The following DPYD variants were observed in gnomAD, a reference collection of about 807,000 sequenced individuals.
DPYD encodes the protein dihydropyrimidine dehydrogenase.
In DPYD, 109 loss-of-function variants were observed where a neutral mutation model predicts 116.2. That is an observed-to-expected ratio of 0.94 (90% CI 0.80 to 1.10). The LOEUF is 1.10. DPYD is among the 50% of genes least tolerant of loss of function. DPYD has a pLI of 0.00. For synonymous variants in DPYD, 440 were observed against 432.0 expected, an observed-to-expected ratio of 1.02 and a Z score of -0.23; for missense variants, 1,302 against 1,254.5, an observed-to-expected ratio of 1.04 and a Z score of -0.57.
intron 18 of DPYD, among the ~76,000 whole-genome samples, chr1:97,292,788 C>G (rs1666296626): frequency 6.6e-6 from 1 of 151,676 alleles, no homozygotes; most frequent in South Asian, 2.1e-4. Flanking sequence ...CTAGTATAAG[C>G]TTGCTATTAA....
At chr1:97,193,693 C>T (rs932212062) in intron 19 of DPYD, among the ~76,000 whole-genome samples, 1 of 152,142 alleles carries the variant, frequency 6.6e-6, no homozygotes, top group Non-Finnish European at 1.5e-5. Context: ...ATTACGTTAA[C>T]TCAACCATCA....
intron 12 of DPYD, among the ~76,000 whole-genome samples, chr1:97,525,731 G>A (rs1024061163): frequency 6.9e-6 from 1 of 145,048 alleles, no homozygotes; most frequent in Admixed American, 7.2e-5. Context: ...CATCTAGTGG[G>A]AAGAGTAAGT....
chr1:97,662,158 A>G (rs1356703237), intron 8 of DPYD, among the ~76,000 whole-genome samples: 1 of 150,740 alleles, frequency 6.6e-6, no homozygotes, highest in Non-Finnish European at 1.5e-5. Flanking sequence ...CAGCCACCAC[A>G]TCCGGCTAAT....
intron 2 of DPYD, among the ~76,000 whole-genome samples, chr1:97,851,511 ATATAGT>A (rs1224110260): frequency 1.3e-5 from 2 of 151,950 alleles, no homozygotes; most frequent in Non-Finnish European, 2.9e-5. Context: ...ATTCAAGAAA[ATATAGT>A]TATAATTTAA....
At chr1:97,823,248 C>T (rs973941571) in intron 3 of DPYD, among the ~76,000 whole-genome samples, 14 of 152,030 alleles carry the variant, frequency 9.2e-5, no homozygotes, top group African/African-American at 3.4e-4. Flanking sequence ...TCCACCTCCC[C>T]GGTTCATGCC....
In DPYD at chr1:97,405,364, A is replaced by G. The variant is rs540685449; in HGVS notation, c.1906-22903T>C. 1.1e-3 allele frequency among the ~76,000 whole-genome samples: 172 copies of G among 152,154 alleles called. 2 individuals are homozygous for G. The highest frequency in any genetic ancestry group is 2.1e-3 in the South Asian group (10 of 4,824). On this transcript the variant is annotated intron_variant, in intron 14 of 22. Coordinates refer to ENST00000370192, the MANE Select transcript of DPYD (RefSeq NM_000110.4). ...AAAAACTTCCATTAACATTTCTTGC[A>G]AGGAGGTTTATTCTGAATACATTCT... is the stretch of plus-strand genomic sequence containing the variant.
At chr1:97,448,859 A>G (rs988819420) in intron 14 of DPYD, among the ~76,000 whole-genome samples, 1 of 151,942 alleles carries the variant, frequency 6.6e-6, no homozygotes, top group Non-Finnish European at 1.5e-5. Flanking sequence ...GATAAATTAT[A>G]TTTGTCCTAT....
chr1:97,786,677 C>T (rs755991301), intron 3 of DPYD, among the ~76,000 whole-genome samples: 2 of 152,182 alleles, frequency 1.3e-5, no homozygotes, highest in African/African-American at 4.8e-5. Flanking sequence ...AAGAGCAGCA[C>T]TATTTTTAGG....
intron 8 of DPYD, among the ~76,000 whole-genome samples, chr1:97,646,239 T>C (rs1476782207): frequency 6.6e-6 from 1 of 152,108 alleles, no homozygotes; most frequent in African/African-American, 2.4e-5. Flanking sequence ...CAATTATGCA[T>C]ATGTTGAATC....
In DPYD at chr1:97,857,148, C is replaced by A. The variant is rs1472128201; in HGVS notation, c.150+26116G>T. On this transcript the variant is annotated intron_variant, in intron 2 of 22. Transcript: ENST00000370192. ...AGCACTGGATTTTGTCTTCAGACCC[C>A]ATAGCCTGAAAAATAGAAGTGAGTC... is the stretch of plus-strand genomic sequence containing the variant. 2.0e-5 allele frequency among the ~76,000 whole-genome samples: 3 copies of A among 152,062 alleles called. No homozygotes were observed. The East Asian group carries it at 5.8e-4, about 29-fold the overall frequency.
At chr1:97,379,841 C>A (rs573527915) in intron 15 of DPYD, among the ~76,000 whole-genome samples, 1 of 152,260 alleles carries the variant, frequency 6.6e-6, no homozygotes, top group Admixed American at 6.5e-5. Flanking sequence ...ACTTCCTTTC[C>A]TAGAAAGTGA....
At chr1:97,785,681 C>CTTTTTTTTT (rs35229030) in intron 3 of DPYD, among the ~76,000 whole-genome samples, 1 of 62,548 alleles carries the variant, frequency 1.6e-5, no homozygotes, top group Non-Finnish European at 3.0e-5. Context: ...GCCACTGACT[C>CTTTTTTTTT]TTTTTTTTTT....
intron 10 of DPYD, among the ~76,000 whole-genome samples, chr1:97,581,034 GTTTA>G (rs1653625165): frequency 6.6e-6 from 1 of 152,018 alleles, no homozygotes; most frequent in African/African-American, 2.4e-5. Context: ...CTTGGAGAAG[GTTTA>G]GGAGCCTGAT....
chr1:97,281,411 A>AAT (rs1375807801), intron 18 of DPYD, among the ~76,000 whole-genome samples: 1 of 151,770 alleles, frequency 6.6e-6, no homozygotes, highest in Non-Finnish European at 1.5e-5. Flanking sequence ...AAAATATATA[A>AAT]ATATATATAT....
intron 3 of DPYD, among the ~76,000 whole-genome samples, chr1:97,780,314 T>G (rs1056685386): frequency 2.6e-5 from 4 of 152,200 alleles, no homozygotes; most frequent in Non-Finnish European, 4.4e-5. Flanking sequence ...ATTGTTGTTT[T>G]GAGAAAAAAG....
chr1:97,742,355 T>A (rs935951246), intron 3 of DPYD, among the ~76,000 whole-genome samples: 3 of 152,132 alleles, frequency 2.0e-5, no homozygotes, highest in African/African-American at 7.2e-5. Context: ...ATCTTGTTTT[T>A]AAATCTGATC....
rs57316508 is a variant in DPYD, at chr1:97,887,469, T to TAAAAAAAAA, written c.40-4104_40-4096dup. ...TGGGTGACAAAGTGAGACTCTGCAT[T>TAAAAAAAAA]AAAAAAAAAAAAAAAAAAAAAAAAA... On this transcript the variant is annotated intron_variant, in intron 1 of 22. Coordinates refer to ENST00000370192, the MANE Select transcript of DPYD (RefSeq NM_000110.4). 3.1e-3 allele frequency among the ~76,000 whole-genome samples: 146 copies of TAAAAAAAAA among 47,138 alleles called. 3 individuals carry two copies. The highest frequency in any genetic ancestry group is 4.9e-3 in the Non-Finnish European group (125 of 25,558). 30.9% of individuals were successfully genotyped at this position (47,138 alleles called of 152,430 possible).
chr1:97,382,657 C>T (rs570122302), intron 14 of DPYD, among the ~76,000 whole-genome samples, 196 bp from the exon 15 acceptor site: 1 of 152,186 alleles, frequency 6.6e-6, no homozygotes, highest in Admixed American at 6.5e-5. Context: ...TTTGGAATTA[C>T]ATTAGGAGAT....
intron 18 of DPYD, among the ~76,000 whole-genome samples, chr1:97,240,792 G>A (rs917315718): frequency 6.8e-6 from 1 of 147,826 alleles, no homozygotes; most frequent in African/African-American, 2.5e-5. Context: ...ACATATAAAT[G>A]AACCACCAAC....
Sources: gnomAD v4.1 joint callset for allele counts (sites outside exome capture counted in the v4.1 genomes callset) on GRCh38, gnomAD v4.1.1 for gene constraint, MANE v1.5 for transcripts, NCBI Gene and HGNC (gene_info 2026-07-23, HGNC 2026-07-21) for gene names.